The following FAT4 variants were observed in gnomAD, a reference collection of about 807,000 sequenced individuals.
The protein encoded by FAT4 is protocadherin Fat 4.
In FAT4, 84 loss-of-function variants were observed where a neutral mutation model predicts 303.9. That is an observed-to-expected ratio of 0.28 (90% CI 0.23 to 0.33). FAT4 has a LOEUF of 0.33. Among genes scored for constraint, FAT4 ranks in the 10% least tolerant of loss-of-function variants. The pLI is 1.00. For missense variants in FAT4, 6,005 were observed against 6,146.8 expected (o/e 0.98, Z 0.77); for synonymous variants, 2,307 against 2,298.8 (o/e 1.00, Z -0.10).
At chr4:125,443,875 G>T (rs1446521191) in intron 8 of FAT4, among the ~76,000 whole-genome samples, 1 of 152,046 alleles carries the variant, frequency 6.6e-6, no homozygotes, top group African/African-American at 2.4e-5. Context: ...CTTAACTGTC[G>T]ATCTACGTAC....
At chr4:125,393,463 G>C (rs1279059525) in intron 2 of FAT4, among the ~76,000 whole-genome samples, 1 of 152,068 alleles carries the variant, frequency 6.6e-6, no homozygotes, top group African/African-American at 2.4e-5. Context: ...ATAATGGTTT[G>C]ATATTAGCGA....
At chr4:125,350,830 G>A (rs1200046321) in intron 2 of FAT4, among the ~76,000 whole-genome samples, 1 of 151,698 alleles carries the variant, frequency 6.6e-6, no homozygotes, top group Non-Finnish European at 1.5e-5. Flanking sequence ...TAAGCAGAAA[G>A]ATTTCTGAGT....
rs750882316 is a variant in FAT4, at chr4:125,319,076, A to G, written c.2665A>G (p.Asn889Asp). The G allele has an allele frequency of 3.1e-6, 5 of 1,614,146 alleles. No individual in the cohort carries two copies. The highest frequency in any genetic ancestry group is 3.4e-6 in the Non-Finnish European group (4 of 1,180,038). Reference protein sequence around the residue: ...VNITVKDLNDNSPHFLQAIES... With the variant: ...VNITVKDLNDDSPHFLQAIES... ...CATAACAGTTAAGGATTTGAATGAC[A>G]ACTCTCCCCATTTCCTTCAGGCAAT... Residue 889 changes from asparagine to aspartate, a missense_variant, in exon 2 of 18, where the codon AAC (asparagine) becomes GAC (aspartate). Asn to Asp is a conservative substitution (Grantham distance 23). Coordinates refer to ENST00000394329, the MANE Select transcript of FAT4 (RefSeq NM_001291303.3).
intron 2 of FAT4, among the ~76,000 whole-genome samples, chr4:125,381,785 C>A (rs1733552120): frequency 6.6e-6 from 1 of 152,180 alleles, no homozygotes; most frequent in South Asian, 2.1e-4. Context: ...GCATTTTACA[C>A]ATAGTAGAAT....
chr4:125,476,006 C>T (rs1367192301), intron 12 of FAT4, among the ~76,000 whole-genome samples, 165 bp from the exon 13 acceptor site: 1 of 151,988 alleles, frequency 6.6e-6, no homozygotes, highest in Non-Finnish European at 1.5e-5. Flanking sequence ...GAAACATGTG[C>T]CCATGATTCA....
chr4:125,363,837 C>T (rs1341432864), intron 2 of FAT4, among the ~76,000 whole-genome samples: 5 of 151,978 alleles, frequency 3.3e-5, no homozygotes, highest in East Asian at 1.9e-4. Context: ...GGAATTGCAA[C>T]GATTATGGAT....
intron 14 of FAT4, among the ~76,000 whole-genome samples, chr4:125,478,242 C>A (rs1727101540): frequency 6.6e-6 from 1 of 152,010 alleles, no homozygotes; most frequent in Admixed American, 6.5e-5. Flanking sequence ...TCTTTTCCTA[C>A]ATGTTGTTAC....
chr4:125,481,516 T>G lies in FAT4; in HGVS notation c.12605-5T>G. ...TCATTTTCCCTTTTTTCCTTTGACT[T>G]CCAGCTGTTACTCCTGACACTGCCT... On this transcript the variant is annotated splice_polypyrimidine_tract_variant and splice_region_variant and intron_variant, in intron 15 of 17. Transcript: ENST00000394329. 1 of 1,613,684 alleles carries G rather than the reference T, an allele frequency of 6.2e-7. No individual in the cohort carries two copies. The highest frequency in any genetic ancestry group is 8.5e-7 in the Non-Finnish European group (1 of 1,179,692).
At position 125,398,833 on chromosome 4, in the gene FAT4, C is replaced by G; in HGVS notation, c.5225C>G (p.Thr1742Arg). The change falls in exon 3 of 18, where the codon ACG becomes AGG. Residue 1742 changes from threonine to arginine, a missense_variant. Coordinates refer to ENST00000394329, the MANE Select transcript of FAT4 (RefSeq NM_001291303.3). Reference protein sequence around the residue: ...DINDNPPVFPTDMLDLTVEEN... With the variant: ...DINDNPPVFPRDMLDLTVEEN... Reference sequence around the variant, plus strand: ...AATGACAATCCACCAGTATTTCCAACGGACATGCTGGATCTCACGGTAGAG... The same window carrying G: ...AATGACAATCCACCAGTATTTCCAAGGGACATGCTGGATCTCACGGTAGAG... 6.2e-7 allele frequency: 1 copy of G among 1,612,528 alleles called. No homozygotes were observed. The highest frequency in any genetic ancestry group is 8.5e-7 in the Non-Finnish European group (1 of 1,178,758).
chr4:125,425,426 T>G (rs1323846838), intron 7 of FAT4, among the ~76,000 whole-genome samples: 1 of 152,150 alleles, frequency 6.6e-6, no homozygotes, highest in East Asian at 1.9e-4. Flanking sequence ...TTATACGAAT[T>G]TCTTCCCTTT....
At chr4:125,470,878 A>G (rs992177883) in intron 12 of FAT4, among the ~76,000 whole-genome samples, 1 of 152,320 alleles carries the variant, frequency 6.6e-6, no homozygotes, top group Non-Finnish European at 1.5e-5. Context: ...TCGGCTAACT[A>G]TTTGGCACAA....
At chr4:125,372,857 A>G (rs1280271053) in intron 2 of FAT4, among the ~76,000 whole-genome samples, 2 of 152,204 alleles carry the variant, frequency 1.3e-5, no homozygotes, top group African/African-American at 4.8e-5. Context: ...CTTGATCAAT[A>G]TCATATGCAA....
chr4:125,371,664 A>G lies in FAT4; in HGVS notation c.5176-27120A>G, dbSNP rs1265857734. 2.0e-5 allele frequency among the ~76,000 whole-genome samples: 3 copies of G among 151,702 alleles called. 1 individual carries two copies. The highest frequency in any genetic ancestry group is 4.1e-4 in the South Asian group (2 of 4,820). ...GGATAAGATAAAAAGTGGCTCTTTC[A>G]TTGGAGTATCAATTGTGGGGAGAGA... On this transcript the variant is annotated intron_variant, in intron 2 of 17. Coordinates refer to ENST00000394329, the MANE Select transcript of FAT4 (RefSeq NM_001291303.3).
intron 2 of FAT4, among the ~76,000 whole-genome samples, chr4:125,376,776 G>A (rs1490526978): frequency 6.6e-6 from 1 of 151,968 alleles, no homozygotes; most frequent in African/African-American, 2.4e-5. Context: ...GCGCATGCCT[G>A]CAATGGGCTG....
At chr4:125,475,569 A>T (rs1726998912) in intron 12 of FAT4, among the ~76,000 whole-genome samples, 1 of 152,152 alleles carries the variant, frequency 6.6e-6, no homozygotes, top group Non-Finnish European at 1.5e-5. Context: ...CTGATTATAC[A>T]GAAATATGCT....
intron 5 of FAT4, among the ~76,000 whole-genome samples, chr4:125,411,143 C>T (rs1734821911): frequency 6.6e-6 from 1 of 151,986 alleles, no homozygotes; most frequent in Admixed American, 6.6e-5. Context: ...GTAATATTGT[C>T]ATCTTTTTAG....
intron 10 of FAT4, among the ~76,000 whole-genome samples, chr4:125,458,928 T>C (rs1270078276): frequency 6.6e-6 from 1 of 151,978 alleles, no homozygotes; most frequent in Non-Finnish European, 1.5e-5. Flanking sequence ...ATGGGAAACA[T>C]TTGCATACTG....
chr4:125,463,508 G>T, intron 10 of FAT4, 55 bp from the exon 11 acceptor site: 3 of 1,042,204 alleles, frequency 2.9e-6, no homozygotes, highest in Non-Finnish European at 4.3e-6. Flanking sequence ...TGGTGTAACG[G>T]TGTTAATATA....
chr4:125,384,779 A>G (rs1051308862), intron 2 of FAT4, among the ~76,000 whole-genome samples: 4 of 151,866 alleles, frequency 2.6e-5, no homozygotes, highest in Non-Finnish European at 5.9e-5. Context: ...CTAGACAGTA[A>G]ATGTGAACAC....
Sources: gnomAD v4.1 joint callset for allele counts (sites outside exome capture counted in the v4.1 genomes callset) on GRCh38, gnomAD v4.1.1 for gene constraint, MANE v1.5 for transcripts, NCBI Gene and HGNC (gene_info 2026-07-23, HGNC 2026-07-21) for gene names.